The following ADGRB3 variants were observed in gnomAD, a reference collection of about 807,000 sequenced individuals.
ADGRB3 encodes the protein adhesion G protein-coupled receptor B3, also known as brain-specific angiogenesis inhibitor 3.
In ADGRB3, 37 loss-of-function variants were observed where a neutral mutation model predicts 193.4. That is an observed-to-expected ratio of 0.19 (90% confidence interval 0.15 to 0.25). The LOEUF (loss-of-function observed/expected upper bound fraction) is 0.25. Ranked by LOEUF, ADGRB3 falls within the 10% of genes least tolerant of loss-of-function variation. The probability of loss-of-function intolerance (pLI) is 1.00; values close to 1 mark genes in which losing one functional copy is unlikely to be tolerated. For missense variants in ADGRB3, 1,637 were observed against 1,852.9 expected, an observed-to-expected ratio of 0.88 and a Z score of 2.14; for synonymous variants, 690 against 644.2, an observed-to-expected ratio of 1.07 and a Z score of -1.08.
chr6:68,952,218 A>G (rs1268538956), intron 6 of ADGRB3, among the ~76,000 whole-genome samples: 1 of 152,096 alleles, frequency 6.6e-6, no homozygotes, highest in Non-Finnish European at 1.5e-5. Flanking sequence ...GCTGCGGCCC[A>G]TAAAACAAAT....
intron 9 of ADGRB3, 96 bp from the exon 10 acceptor site, chr6:68,975,138 A>G: frequency 1.0e-6 from 1 of 997,184 alleles, no homozygotes; most frequent in Non-Finnish European, 1.5e-6. Flanking sequence ...TAAAGAAAAA[A>G]AGTACAAACT....
At chr6:69,241,388 G>C (rs1766382008) in intron 20 of ADGRB3, among the ~76,000 whole-genome samples, 1 of 151,674 alleles carries the variant, frequency 6.6e-6, no homozygotes, top group Non-Finnish European at 1.5e-5. Flanking sequence ...TCTTTTTTAA[G>C]TCTTAAGAAT....
chr6:68,981,855 T>TATTC (rs1228909826), intron 10 of ADGRB3, among the ~76,000 whole-genome samples: 3 of 135,806 alleles, frequency 2.2e-5, no homozygotes, highest in Non-Finnish European at 4.8e-5. Context: ...GTTATTTATT[T>TATTC]ATTTATTTAT....
chr6:69,007,500 C>G (rs1769792361), intron 11 of ADGRB3, among the ~76,000 whole-genome samples: 1 of 152,014 alleles, frequency 6.6e-6, no homozygotes, highest in Admixed American at 6.6e-5. Flanking sequence ...GTTTCTCAAA[C>G]TTGTTCAGAC....
chr6:68,743,077 C>T lies in ADGRB3; in HGVS notation c.757+103645C>T, dbSNP rs185272974. On this transcript the variant is annotated intron_variant, in intron 3 of 31. Transcript: ENST00000370598. Reference sequence around the variant, plus strand: ...GCTGGATTTCGTGAGCTCTTTCAGTCTATAGAATCACATTTCTTTAGCTCA... The same window carrying T: ...GCTGGATTTCGTGAGCTCTTTCAGTTTATAGAATCACATTTCTTTAGCTCA... Among the ~76,000 whole-genome samples the T allele has an allele frequency of 1.9e-3, 284 of 152,114 alleles. 3 individuals carry two copies. The highest frequency in any genetic ancestry group is 6.7e-3 in the African/African-American group (277 of 41,540).
chr6:69,337,942 G>A (rs553852848), intron 24 of ADGRB3, among the ~76,000 whole-genome samples: 128 of 152,200 alleles, frequency 8.4e-4, no homozygotes, highest in Non-Finnish European at 1.2e-3. Flanking sequence ...ATACCACATA[G>A]GAATGGACTA....
At chr6:69,140,292 GAACA>G (rs745901425) in intron 17 of ADGRB3, among the ~76,000 whole-genome samples, 18 of 152,090 alleles carry the variant, frequency 1.2e-4, no homozygotes, top group South Asian at 2.1e-4. Context: ...GCACAGGAAA[GAACA>G]AACAAAGAAA....
At chr6:69,176,394 T>C (rs996919497) in intron 17 of ADGRB3, among the ~76,000 whole-genome samples, 11 of 152,196 alleles carry the variant, frequency 7.2e-5, no homozygotes, top group African/African-American at 2.7e-4. Context: ...TTGAGATGAT[T>C]ATATGGTTCT....
chr6:68,908,603 T>C (rs965568453), intron 3 of ADGRB3, among the ~76,000 whole-genome samples: 2 of 152,116 alleles, frequency 1.3e-5, no homozygotes, highest in African/African-American at 4.8e-5. Context: ...ATTGACAGTC[T>C]TAGTCTGTAT....
chr6:69,175,337 A>G (rs1437064476), intron 17 of ADGRB3, among the ~76,000 whole-genome samples: 1 of 152,242 alleles, frequency 6.6e-6, no homozygotes, highest in African/African-American at 2.4e-5. Context: ...GTAGTGGTCC[A>G]GTTTCATTCT....
rs527239258 is a variant in ADGRB3, at chr6:68,715,329, G to T, written c.757+75897G>T. ...CCTGCTTCTGTCTGTCTCATTATAG[G>T]GGCTTGTGAAGAAGGTTTACTGAGG... On this transcript the variant is annotated intron_variant, in intron 3 of 31. Transcript: ENST00000370598. 6.0e-5 allele frequency among the ~76,000 whole-genome samples: 9 copies of T among 151,214 alleles called. No homozygotes were observed. In the South Asian group the frequency reaches 1.5e-3, roughly 25 times the overall value.
intron 17 of ADGRB3, among the ~76,000 whole-genome samples, chr6:69,146,963 G>T (rs1287918168): frequency 6.6e-6 from 1 of 150,976 alleles, no homozygotes; most frequent in Admixed American, 6.6e-5. Context: ...ACAGTAGCCT[G>T]TAATGATCCT....
intron 3 of ADGRB3, among the ~76,000 whole-genome samples, chr6:68,673,038 C>G (rs1273765974): frequency 1.3e-5 from 2 of 152,004 alleles, no homozygotes; most frequent in Non-Finnish European, 2.9e-5. Context: ...CTCTCTCTCT[C>G]TCTCTCAGTA....
At chr6:69,192,516 C>T (rs1452175043) in intron 17 of ADGRB3, among the ~76,000 whole-genome samples, 1 of 152,142 alleles carries the variant, frequency 6.6e-6, no homozygotes, top group East Asian at 1.9e-4. Context: ...TATTTTGCAT[C>T]CTTCAATCCA....
At chr6:69,252,304 A>G (rs1487379487) in intron 20 of ADGRB3, among the ~76,000 whole-genome samples, 1 of 152,084 alleles carries the variant, frequency 6.6e-6, no homozygotes, top group African/African-American at 2.4e-5. Context: ...CCAGTTTCCA[A>G]TTGATAGACA....
chr6:69,274,017 T>C (rs935200458), intron 20 of ADGRB3, among the ~76,000 whole-genome samples: 3 of 152,156 alleles, frequency 2.0e-5, no homozygotes, highest in African/African-American at 7.2e-5. Flanking sequence ...AGTGGATGTC[T>C]TCAGGAGGTA....
At chr6:68,644,118 C>T (rs1046298782) in intron 3 of ADGRB3, among the ~76,000 whole-genome samples, 3 of 151,032 alleles carry the variant, frequency 2.0e-5, no homozygotes, top group Non-Finnish European at 4.4e-5. Context: ...AACAAAAAAA[C>T]TCAATAGGAA....
chr6:69,205,391 G>T (rs1322943749), intron 17 of ADGRB3, among the ~76,000 whole-genome samples: 1 of 114,714 alleles, frequency 8.7e-6, no homozygotes, highest in Non-Finnish European at 1.7e-5. Flanking sequence ...TAGAATAAAA[G>T]ACCTTTTTTT....
At chr6:69,054,922 T>C (rs1044513992) in intron 15 of ADGRB3, among the ~76,000 whole-genome samples, 1 of 152,184 alleles carries the variant, frequency 6.6e-6, no homozygotes, top group East Asian at 1.9e-4. Context: ...TTTATTTTGG[T>C]CTTATTTAAA....
Sources: allele counts gnomAD v4.1 joint callset (sites outside exome capture counted in the v4.1 genomes callset), GRCh38; gene constraint gnomAD v4.1.1; transcripts MANE v1.5; gene names NCBI Gene and HGNC (gene_info 2026-07-23, HGNC 2026-07-21).